The following PDE8B variants were observed in gnomAD, a reference collection of about 807,000 sequenced individuals.
The protein encoded by PDE8B is high affinity cAMP-specific and IBMX-insensitive 3',5'-cyclic phosphodiesterase 8B.
A neutral mutation model predicts 101.3 loss-of-function variants in PDE8B; 26 were observed. That is an observed-to-expected ratio of 0.26 (90% CI 0.19 to 0.36). The LOEUF is 0.36. PDE8B is among the 10% of genes least tolerant of loss of function. The pLI is 1.00. For missense variants in PDE8B, 810 were observed against 1,163.1 expected, an observed-to-expected ratio of 0.70 and a Z score of 4.42; for synonymous variants, 424 against 429.3, an observed-to-expected ratio of 0.99 and a Z score of 0.15.
the PDE8B span, among the ~76,000 whole-genome samples, chr5:77,167,371 C>T: frequency 6.6e-6 from 1 of 152,168 alleles, no homozygotes; most frequent in Non-Finnish European, 1.5e-5. Flanking sequence ...TTGAGAAAAA[C>T]CCAATAGAGG....
the PDE8B span, among the ~76,000 whole-genome samples, chr5:77,177,825 G>C: frequency 6.6e-6 from 1 of 152,184 alleles, no homozygotes; most frequent in African/African-American, 2.4e-5. Flanking sequence ...GACGGAAGCA[G>C]GACACCTCTA....
the PDE8B span, among the ~76,000 whole-genome samples, chr5:77,159,514 C>T: frequency 6.6e-6 from 1 of 152,194 alleles, no homozygotes; most frequent in Admixed American, 6.5e-5. Context: ...GCTCTCCCTA[C>T]TCATTAGCTT....
chr5:77,251,538 T>C (rs1758057537), intron 1 of PDE8B, among the ~76,000 whole-genome samples: 1 of 152,220 alleles, frequency 6.6e-6, no homozygotes, highest in Non-Finnish European at 1.5e-5. Context: ...TTGTTGGTTC[T>C]CCTGAGTCCA....
At chr5:77,399,132 A>AGG (rs1235384241) in intron 10 of PDE8B, among the ~76,000 whole-genome samples, 1 of 152,268 alleles carries the variant, frequency 6.6e-6, no homozygotes, top group East Asian at 1.9e-4. Flanking sequence ...ACACTTGCAG[A>AGG]GAAAGGCAAG....
upstream of PDE8B, among the ~76,000 whole-genome samples, chr5:77,205,702 A>C (rs764340676): frequency 5.9e-5 from 9 of 152,210 alleles, no homozygotes; most frequent in Non-Finnish European, 1.3e-4. Flanking sequence ...TTTCAGAAAA[A>C]TAAATTTGTC....
the PDE8B span, among the ~76,000 whole-genome samples, chr5:77,173,446 A>G: frequency 6.6e-6 from 1 of 152,148 alleles, no homozygotes; most frequent in Non-Finnish European, 1.5e-5. Context: ...CAATTTTGTT[A>G]CAAAATTGCT....
chr5:77,263,655 GT>G (rs1761084631), intron 1 of PDE8B, among the ~76,000 whole-genome samples: 1 of 152,172 alleles, frequency 6.6e-6, no homozygotes, highest in Non-Finnish European at 1.5e-5. Flanking sequence ...ATTGCTAAAG[GT>G]TTCCAAGACC....
At chr5:77,378,458 A>T (rs1415963668) in intron 10 of PDE8B, among the ~76,000 whole-genome samples, 4 of 2,114 alleles carry the variant, frequency 1.9e-3, no homozygotes, top group African/African-American at 3.6e-3. Context: ...ACTCCATCTA[A>T]AAAAAAAAAA....
At chr5:77,415,599 T>A (rs913470580) in intron 17 of PDE8B, among the ~76,000 whole-genome samples, 3 of 152,030 alleles carry the variant, frequency 2.0e-5, no homozygotes, top group Non-Finnish European at 4.4e-5. Flanking sequence ...CCTCAGATAA[T>A]CCACCCACCT....
chr5:77,212,786 G>A (rs1748787496), intron 1 of PDE8B, among the ~76,000 whole-genome samples: 1 of 152,128 alleles, frequency 6.6e-6, no homozygotes. Flanking sequence ...GTTAGCTTTA[G>A]GAGCAATTTT....
At chr5:77,259,458 T>G (rs1290442950) in intron 1 of PDE8B, among the ~76,000 whole-genome samples, 1 of 152,206 alleles carries the variant, frequency 6.6e-6, no homozygotes, top group Non-Finnish European at 1.5e-5. Context: ...GCACCTTCTC[T>G]GGTGGCAACT....
the PDE8B span, among the ~76,000 whole-genome samples, chr5:77,172,430 GT>G: frequency 6.6e-6 from 1 of 152,206 alleles, no homozygotes; most frequent in African/African-American, 2.4e-5. Flanking sequence ...GACAATGACG[GT>G]GTTTGTTAAT....
At chr5:77,388,307 A>T (rs1789167491) in intron 10 of PDE8B, among the ~76,000 whole-genome samples, 1 of 151,976 alleles carries the variant, frequency 6.6e-6, no homozygotes, top group Non-Finnish European at 1.5e-5. Context: ...CCTGTCTGTT[A>T]GTTTTCCTTC....
rs768743267 is a variant in PDE8B, at chr5:77,395,917, G to T, written c.1168-4331G>T. Among the ~76,000 whole-genome samples the T allele has an allele frequency of 3.1e-4, 47 of 152,214 alleles. 1 individual carries two copies. Among genetic ancestry groups the T allele is most frequent in the Non-Finnish European group, 5.7e-4 (39 of 68,026 alleles). On this transcript the variant is annotated intron_variant, in intron 10 of 21. Transcript: ENST00000264917. ...CATTGGGGCCGACCCCATTCTCAGG[G>T]TAAACAGATCTGACAGAGGCTTTTA...
At chr5:77,251,353 T>G (rs1392201254) in intron 1 of PDE8B, among the ~76,000 whole-genome samples, 1 of 152,226 alleles carries the variant, frequency 6.6e-6, no homozygotes, top group Non-Finnish European at 1.5e-5. Context: ...CTTATATAAG[T>G]GCCACACTCC....
intron 7 of PDE8B, among the ~76,000 whole-genome samples, chr5:77,346,061 A>G (rs1377257868): frequency 1.3e-5 from 2 of 152,256 alleles, no homozygotes; most frequent in African/African-American, 4.8e-5. Flanking sequence ...ACTGAGTCCC[A>G]ACAAGGCCAA....
chr5:77,274,304 T>C (rs1423018983), intron 1 of PDE8B, among the ~76,000 whole-genome samples: 2 of 152,174 alleles, frequency 1.3e-5, no homozygotes, highest in African/African-American at 4.8e-5. Flanking sequence ...AGTTAATCAT[T>C]TTGCTCAAGG....
rs1181959905 is a variant in PDE8B at position 77,425,810 on chromosome 5, T to C, written c.2462T>C (p.Val821Ala). 3.1e-6 allele frequency: 5 copies of C among 1,613,154 alleles called. No homozygotes were observed. The highest frequency in any genetic ancestry group is 4.2e-6 in the Non-Finnish European group (5 of 1,179,094). ...CAGGGACTACCTGTGGTGATGCCAG[T>C]GTTTGACCGGAATACCTGTAGCATC... ...KRQGLPVVMP[V>A]FDRNTCSIPK... Residue 821 changes from valine to alanine, a missense_variant, in exon 21 of 22, where the codon GTG becomes GCG. Physicochemically the swap from Val to Ala is moderately conservative, Grantham distance 64. Transcript: ENST00000264917.
chr5:77,327,551 A>T (rs929730937), intron 3 of PDE8B, among the ~76,000 whole-genome samples: 1 of 152,172 alleles, frequency 6.6e-6, no homozygotes, highest in African/African-American at 2.4e-5. Context: ...AGAAGTACTT[A>T]GTGTTTCCCT....
Sources: allele counts gnomAD v4.1 joint callset (sites outside exome capture counted in the v4.1 genomes callset), GRCh38; gene constraint gnomAD v4.1.1; transcripts MANE v1.5; gene names NCBI Gene and HGNC (gene_info 2026-07-23, HGNC 2026-07-21).